CDK19: variants seen among roughly 807,000 people sequenced by gnomAD.
The protein encoded by CDK19 is cyclin dependent kinase 19, also known as cyclin-dependent kinase 19.
CDK19 carries 20 observed loss-of-function variants against 68.3 expected under a neutral mutation model. The observed-to-expected ratio is 0.29, with a 90% CI of 0.21 to 0.43. CDK19 has a LOEUF of 0.43. Ranked by LOEUF, CDK19 falls within the 20% of genes least tolerant of loss-of-function variation. The pLI, the probability that CDK19 is intolerant of heterozygous loss-of-function variation, is 1.00. For missense variants in CDK19, 339 were observed against 623.5 expected (o/e 0.54, Z 4.86); for synonymous variants, 221 against 222.8 (o/e 0.99, Z 0.07).
At chr6:110,641,191 A>T (rs192784637) in intron 4 of CDK19, among the ~76,000 whole-genome samples, 265 of 152,328 alleles carry the variant, frequency 1.7e-3, no homozygotes, top group South Asian at 5.4e-3. Context: ...AAGGTCCATT[A>T]TGTAAAAAGT....
intron 4 of CDK19, among the ~76,000 whole-genome samples, chr6:110,643,948 A>T (rs1780367943): frequency 6.6e-6 from 1 of 151,944 alleles, no homozygotes; most frequent in Admixed American, 6.6e-5. Context: ...ATTAATTAAA[A>T]ATTAAGTTAA....
chr6:110,742,642 C>T (rs188841906), intron 2 of CDK19, among the ~76,000 whole-genome samples: 415 of 152,250 alleles, frequency 2.7e-3, no homozygotes, highest in Middle Eastern at 6.8e-3. Flanking sequence ...GGGGGGAGGT[C>T]TATAAACGGC....
intron 2 of CDK19, among the ~76,000 whole-genome samples, chr6:110,683,701 CTTTTTTTTTT>C (rs200335188): frequency 3.1e-5 from 4 of 127,394 alleles, no homozygotes; most frequent in Non-Finnish European, 6.6e-5. Context: ...AGTATTTAAT[CTTTTTTTTTT>C]TTTTTTTTGG....
chr6:110,693,059 T>C (rs955122821), intron 2 of CDK19, among the ~76,000 whole-genome samples: 1 of 152,006 alleles, frequency 6.6e-6, no homozygotes, highest in African/African-American at 2.4e-5. Context: ...CACACAAATG[T>C]AAAGCAAAAG....
intron 1 of CDK19, among the ~76,000 whole-genome samples, chr6:110,794,468 C>G (rs892860898): frequency 1.3e-5 from 2 of 148,170 alleles, no homozygotes; most frequent in African/African-American, 5.0e-5. Flanking sequence ...GTAGCGTCAT[C>G]TTGGCTCACT....
At chr6:110,768,289 G>A (rs993031373) in intron 1 of CDK19, among the ~76,000 whole-genome samples, 4 of 152,196 alleles carry the variant, frequency 2.6e-5, no homozygotes, top group Non-Finnish European at 5.9e-5. Flanking sequence ...CATTGCTGGT[G>A]GGAATGCAAA....
chr6:110,617,575 G>C (rs1778396694), intron 12 of CDK19, among the ~76,000 whole-genome samples: 1 of 151,424 alleles, frequency 6.6e-6, no homozygotes, highest in South Asian at 2.1e-4. Context: ...CTTGAGGTCA[G>C]GAGTTTGAGA....
intron 12 of CDK19, among the ~76,000 whole-genome samples, chr6:110,618,461 C>G (rs1321956999): frequency 6.6e-6 from 1 of 152,204 alleles, no homozygotes; most frequent in African/African-American, 2.4e-5. Context: ...ACCCACACTC[C>G]CCTTTCTTGA....
intron 2 of CDK19, among the ~76,000 whole-genome samples, chr6:110,744,944 G>C (rs1428966380): frequency 1.3e-5 from 2 of 152,106 alleles, no homozygotes; most frequent in African/African-American, 4.8e-5. Flanking sequence ...GGAACTGTGG[G>C]CAATATATGT....
intron 2 of CDK19, among the ~76,000 whole-genome samples, chr6:110,742,451 A>C (rs1028294509): frequency 1.3e-5 from 2 of 152,226 alleles, no homozygotes; most frequent in African/African-American, 2.4e-5. Flanking sequence ...AAAGAACAGA[A>C]TAACAGTGAT....
intron 1 of CDK19, among the ~76,000 whole-genome samples, chr6:110,797,984 C>CAAAA (rs56710819): frequency 2.9e-3 from 254 of 86,480 alleles, no homozygotes; most frequent in Non-Finnish European, 4.0e-3. Flanking sequence ...GACTCCGTCT[C>CAAAA]AAAAAAAAAA....
At chr6:110,682,044 A>C (rs923927365) in intron 2 of CDK19, among the ~76,000 whole-genome samples, 1 of 152,216 alleles carries the variant, frequency 6.6e-6, no homozygotes, top group Non-Finnish European at 1.5e-5. Context: ...ATTTTTATGT[A>C]TACATCTTTC....
intron 5 of CDK19, among the ~76,000 whole-genome samples, chr6:110,634,199 T>C (rs2114722039): frequency 6.6e-6 from 1 of 152,252 alleles, no homozygotes; most frequent in East Asian, 1.9e-4. Context: ...TTTTAATTTA[T>C]AGAAATTTCG....
rs558905290 is a variant in CDK19 at position 110,621,455 on chromosome 6, T to C, written c.1111-85A>G. 3.3e-5 allele frequency: 45 copies of C among 1,371,258 alleles called. No individual in the cohort carries two copies. The highest frequency in any genetic ancestry group is 2.7e-4 in the Middle Eastern group (1 of 3,712). The allele number at this position is 1,371,258 out of a possible 1,614,324, so 84.9% of individuals were successfully genotyped here. ...TTATTTGATATGCACATGTGGCTGCTGACCAACCTGGGGGAGCAATCTATG... is the reference window on the plus strand; with the variant it reads ...TTATTTGATATGCACATGTGGCTGCCGACCAACCTGGGGGAGCAATCTATG... On this transcript the variant is annotated intron_variant, in intron 11 of 12. Transcript: ENST00000368911. This position sits in a 1 kb window ranked among gnomAD's most constrained non-coding sequence, Gnocchi z 5.4.
intron 12 of CDK19, among the ~76,000 whole-genome samples, chr6:110,620,684 C>A (rs990221455): frequency 2.0e-5 from 3 of 152,190 alleles, no homozygotes; most frequent in African/African-American, 7.2e-5. Context: ...CCCTTCTCTT[C>A]TTTATCTATG....
intron 1 of CDK19, among the ~76,000 whole-genome samples, chr6:110,810,442 A>T (rs909201240): frequency 6.6e-6 from 1 of 152,198 alleles, no homozygotes; most frequent in Admixed American, 6.6e-5. Flanking sequence ...ATAATGGCCA[A>T]AAGTGTTGAC....
At chr6:110,745,898 G>T (rs577263059) in intron 2 of CDK19, among the ~76,000 whole-genome samples, 25 of 152,182 alleles carry the variant, frequency 1.6e-4, no homozygotes, top group African/African-American at 5.8e-4. Context: ...AGCCTAGGAG[G>T]TTCACGCTGC....
At chr6:110,804,608 A>G (rs900830961) in intron 1 of CDK19, among the ~76,000 whole-genome samples, 1 of 149,846 alleles carries the variant, frequency 6.7e-6, no homozygotes, top group Non-Finnish European at 1.5e-5. Flanking sequence ...GGCCTCCCAA[A>G]GTGCTGGGAT....
At chr6:110,769,460 G>A (rs1010454771) in intron 1 of CDK19, among the ~76,000 whole-genome samples, 11 of 151,602 alleles carry the variant, frequency 7.3e-5, no homozygotes, top group Admixed American at 6.6e-5. Flanking sequence ...AGCTACTAGG[G>A]AGGCTGAGGC....
Sources: allele counts gnomAD v4.1 joint callset (sites outside exome capture counted in the v4.1 genomes callset), GRCh38; gene constraint gnomAD v4.1.1; non-coding constraint Gnocchi (gnomAD v3.1); transcripts MANE v1.5; gene names NCBI Gene and HGNC (gene_info 2026-07-23, HGNC 2026-07-21).